Variants in PSMA1 observed in about 807,000 individuals in gnomAD.
PSMA1 encodes proteasome 20S subunit alpha 1, also known as proteasome subunit alpha type-1.
Under a neutral mutation model 38.4 loss-of-function variants are expected in PSMA1, and 3 were observed. That is an observed-to-expected ratio of 0.08 (90% CI 0.04 to 0.20). The LOEUF (loss-of-function observed/expected upper bound fraction) is 0.20, where lower values mean the gene tolerates loss of function less well. PSMA1 is among the 10% of genes least tolerant of loss of function. The probability of loss-of-function intolerance (pLI) is 1.00; values close to 1 mark genes in which losing one functional copy is unlikely to be tolerated. For synonymous variants in PSMA1, 101 were observed against 107.1 expected (o/e 0.94, Z 0.35); for missense variants, 227 against 325.3 (o/e 0.70, Z 2.32).
chr11:14,565,023 C>T (rs1409928368), intron 2 of PSMA1, among the ~76,000 whole-genome samples: 1 of 152,134 alleles, frequency 6.6e-6, no homozygotes, highest in African/African-American at 2.4e-5. Context: ...AAGTAATCCT[C>T]CTGCCTCAGC....
chr11:14,507,838 G>T, intron 8 of PSMA1, 72 bp from the exon 9 acceptor site: 2 of 1,016,426 alleles, frequency 2.0e-6, no homozygotes, highest in Non-Finnish European at 3.0e-6. Flanking sequence ...AAAATATTGG[G>T]TGAAAAAAGC....
intron 2 of PSMA1, among the ~76,000 whole-genome samples, chr11:14,557,400 C>T (rs1851952422): frequency 6.6e-6 from 1 of 152,016 alleles, no homozygotes; most frequent in Non-Finnish European, 1.5e-5. Flanking sequence ...CGCACCACCA[C>T]ACCCAGCTAA....
chr11:14,592,983 C>A (rs1317798443), intron 2 of PSMA1, among the ~76,000 whole-genome samples: 5 of 152,110 alleles, frequency 3.3e-5, no homozygotes, highest in African/African-American at 1.2e-4. Flanking sequence ...TATTTACTTG[C>A]TTATTGTCTT....
chr11:14,599,765 C>G (rs1223443970), intron 2 of PSMA1, among the ~76,000 whole-genome samples: 1 of 152,174 alleles, frequency 6.6e-6, no homozygotes, highest in Non-Finnish European at 1.5e-5. Flanking sequence ...TCATTCTCTG[C>G]CCAGCTTTGT....
chr11:14,629,698 T>C (rs1260976985), intron 1 of PSMA1, among the ~76,000 whole-genome samples: 1 of 152,214 alleles, frequency 6.6e-6, no homozygotes, highest in Non-Finnish European at 1.5e-5. Context: ...TTTCCAATTC[T>C]GGGAAGAAAG....
At chr11:14,524,788 G>A (rs1037796156), upstream of PSMA1, among the ~76,000 whole-genome samples, 1 of 152,114 alleles carries the variant, frequency 6.6e-6, no homozygotes, top group African/African-American at 2.4e-5. Context: ...ATGACCTCGG[G>A]TCCTCAGACC....
intron 1 of PSMA1, among the ~76,000 whole-genome samples, chr11:14,615,830 A>G (rs1852765264): frequency 6.6e-6 from 1 of 152,204 alleles, no homozygotes; most frequent in African/African-American, 2.4e-5. Context: ...CCTGAAAGGC[A>G]GATCTGAATC....
chr11:14,610,985 A>G (rs556149774), exon 2 of PSMA1: 15 of 1,613,202 alleles, frequency 9.3e-6, no homozygotes, highest in African/African-American at 4.0e-5. Context: ...GCTGAGCTGC[A>G]TAACATTTCC....
intron 1 of PSMA1, among the ~76,000 whole-genome samples, chr11:14,624,593 AT>A (rs1360664295): frequency 5.3e-5 from 8 of 152,232 alleles, no homozygotes; most frequent in African/African-American, 1.9e-4. Flanking sequence ...TCATTGAACT[AT>A]ATGTTATAGA....
chr11:14,573,128 C>T (rs1447510960), intron 2 of PSMA1, among the ~76,000 whole-genome samples: 3 of 152,184 alleles, frequency 2.0e-5, no homozygotes, highest in African/African-American at 7.2e-5. Flanking sequence ...CTATTCCAAT[C>T]AACAGAAAAA....
rs1352724672 is a variant in PSMA1 at position 14,606,041 on chromosome 11, A to C, written c.21+4925T>G. On this transcript the variant is annotated intron_variant, in intron 2 of 10. Coordinates refer to the PSMA1 transcript ENST00000418988. The stretch of plus-strand genomic sequence containing the variant: ...ACATTTAAATTTTTAATCCATCTTG[A>C]GTTAATTTCTGTATATGGTAAAATG... Among the ~76,000 whole-genome samples, 4 of 152,172 alleles carry C rather than the reference A, an allele frequency of 2.6e-5. No individual in the cohort carries two copies. In the East Asian group the frequency reaches 7.7e-4, roughly 29 times the overall value.
In PSMA1 at chr11:14,519,056, A is replaced by G. The variant is rs1178414448; in HGVS notation, c.4-15T>C. On this transcript the variant is annotated splice_polypyrimidine_tract_variant and intron_variant, in intron 1 of 9. Coordinates refer to ENST00000396394, the MANE Select transcript of PSMA1 (RefSeq NM_002786.4). ...TGATTTCGAAACTAAAAGTAAAAGA[A>G]AAAAATACCTGTTAATAGAAGAACA... The G allele has an allele frequency of 1.9e-6, 3 of 1,542,352 alleles. No individual in the cohort carries two copies. The highest frequency in any genetic ancestry group is 2.7e-6 in the Non-Finnish European group (3 of 1,123,424).
At chr11:14,584,524 T>A (rs1282144165) in intron 2 of PSMA1, among the ~76,000 whole-genome samples, 1 of 150,888 alleles carries the variant, frequency 6.6e-6, no homozygotes, top group Non-Finnish European at 1.5e-5. Context: ...TTTTTTTTTT[T>A]TTTAAAGACT....
Position 14,598,614 on chromosome 11 carries a change from C to T in PSMA1, c.21+12352G>A, listed in dbSNP as rs199716218. On this transcript the variant is annotated intron_variant, in intron 2 of 10. Coordinates refer to the PSMA1 transcript ENST00000418988. ...TTGCTTGGTAGATCTTCCTCCTTCCCTTATTTTGAGCCTACGTATGTCTCT... is the reference window on the plus strand; with the variant it reads ...TTGCTTGGTAGATCTTCCTCCTTCCTTTATTTTGAGCCTACGTATGTCTCT... Among the ~76,000 whole-genome samples, 130 of 148,642 alleles carry T rather than the reference C, an allele frequency of 8.7e-4. 3 individuals carry two copies. In the East Asian group the frequency reaches 0.025, roughly 28 times the overall value.
chr11:14,574,233 C>A (rs1021153052), intron 2 of PSMA1, among the ~76,000 whole-genome samples: 4 of 152,160 alleles, frequency 2.6e-5, no homozygotes, highest in South Asian at 2.1e-4. Context: ...ATTTTACAGA[C>A]CTTCACAACA....
intron 4 of PSMA1, among the ~76,000 whole-genome samples, chr11:14,515,656 C>T (rs1357452023): frequency 6.6e-6 from 1 of 151,310 alleles, no homozygotes; most frequent in Non-Finnish European, 1.5e-5. Context: ...TGGGTTCAAG[C>T]GATTCTCTTG....
chr11:14,634,057 G>A (rs1474914305), intron 1 of PSMA1, among the ~76,000 whole-genome samples: 1 of 152,186 alleles, frequency 6.6e-6, no homozygotes, highest in African/African-American at 2.4e-5. Context: ...CTAGTGAGAT[G>A]AACCTGGTAC....
intron 2 of PSMA1, among the ~76,000 whole-genome samples, chr11:14,543,450 A>G (rs1851793456): frequency 6.6e-6 from 1 of 152,222 alleles, no homozygotes; most frequent in Non-Finnish European, 1.5e-5. Context: ...CATGTAAAGC[A>G]TACATGATTC....
intron 2 of PSMA1, among the ~76,000 whole-genome samples, chr11:14,576,655 C>T (rs942181989): frequency 6.6e-6 from 1 of 152,140 alleles, no homozygotes; most frequent in Admixed American, 6.5e-5. Context: ...GTTTTGGTTC[C>T]AGTGACATGC....
Sources: allele counts gnomAD v4.1 joint callset (sites outside exome capture counted in the v4.1 genomes callset), GRCh38; gene constraint gnomAD v4.1.1; transcripts MANE v1.5; gene names NCBI Gene and HGNC (gene_info 2026-07-23, HGNC 2026-07-21).